Variants in SEPTIN6 observed in about 807,000 individuals in gnomAD.
SEPTIN6 encodes septin 6.
Under a neutral mutation model 33.6 loss-of-function variants are expected in SEPTIN6, and 8 were observed. The observed-to-expected ratio is 0.24, with a 90% CI of 0.14 to 0.43. SEPTIN6 has a LOEUF of 0.43. Ranked by LOEUF, SEPTIN6 falls within the 20% of genes least tolerant of loss-of-function variation. The pLI is 1.00. For synonymous variants in SEPTIN6, 131 were observed against 140.0 expected, an observed-to-expected ratio of 0.94 and a Z score of 0.45; for missense variants, 250 against 340.8, an observed-to-expected ratio of 0.73 and a Z score of 2.10.
chrX:119,635,942 A>G (rs1569423658), intron 7 of SEPTIN6, among the ~76,000 whole-genome samples: 1 of 111,455 alleles, frequency 9.0e-6, no homozygotes, highest in Non-Finnish European at 1.9e-5. Context: ...CAGGAAACAG[A>G]GGTATTCAGG....
chrX:119,616,333 A>G, downstream of SEPTIN6: 1 of 320,515 alleles, frequency 3.1e-6, no homozygotes, highest in Non-Finnish European at 5.7e-6. Flanking sequence ...TGTTTAAAAG[A>G]AAAACATAAA....
At chrX:119,674,301 G>A (rs2054803566) in intron 2 of SEPTIN6, among the ~76,000 whole-genome samples, 1 of 109,859 alleles carries the variant, frequency 9.1e-6, no homozygotes, top group Non-Finnish European at 1.9e-5. Context: ...AGCCTCCCAA[G>A]TAGCTGGGAC....
At position 119,650,128 on chromosome X, in the gene SEPTIN6, T is replaced by C. The variant is rs758568764; in HGVS notation, c.529-30A>G. The C allele has an allele frequency of 7.5e-6, 9 of 1,197,142 alleles. No homozygotes were observed. The South Asian group carries it at 1.1e-4, about 14-fold the overall frequency. ...GGAGAGGAGGGGCAAAGTGGGGTCA[T>C]TGTTGGTAACCTGCAACTGATAGCA... On this transcript the variant is annotated intron_variant, in intron 4 of 10. Coordinates refer to ENST00000394610, the MANE Select transcript of SEPTIN6 (RefSeq NM_145799.4).
chrX:119,637,592 CTCAT>C (rs2054085424), intron 6 of SEPTIN6, among the ~76,000 whole-genome samples: 1 of 93,448 alleles, frequency 1.1e-5, no homozygotes. Context: ...CATCCATCCA[CTCAT>C]CCATCCATCC....
intron 3 of SEPTIN6, among the ~76,000 whole-genome samples, chrX:119,656,684 G>A (rs190012543): frequency 9.0e-6 from 1 of 111,632 alleles, no homozygotes; most frequent in Non-Finnish European, 1.9e-5. Flanking sequence ...TCAGGAGTTC[G>A]AGACCAGCCT....
intron 7 of SEPTIN6, 105 bp from the exon 8 acceptor site, chrX:119,633,597 T>C (rs1466072369): frequency 3.0e-6 from 3 of 1,013,308 alleles, no homozygotes; most frequent in East Asian, 6.2e-5. Flanking sequence ...CCTTCCCCAG[T>C]TGTGAGCCAG....
intron 5 of SEPTIN6, among the ~76,000 whole-genome samples, chrX:119,647,465 C>G (rs1377407125): frequency 1.1e-5 from 1 of 90,121 alleles, no homozygotes; most frequent in African/African-American, 4.4e-5. Flanking sequence ...CTTTTTCTTT[C>G]CTTTCCTTTC....
Position 119,617,763 on chromosome X carries a change from C to T in SEPTIN6, c.*2330G>A, listed in dbSNP as rs769906952. On this transcript the variant is annotated 3_prime_UTR_variant, in exon 11 of 11. Transcript: ENST00000394610. ...GTGGGACCTCGGTCAAGTCCCTTCC[C>T]TTCTCTGGGCCTTCATTTCCCCTTA... 2.6e-6 allele frequency: 2 copies of T among 776,166 alleles called. No homozygotes were observed. Among genetic ancestry groups the T allele is most frequent in the African/African-American group, 2.2e-5 (1 of 45,273 alleles). The allele number at this position is 776,166 out of a possible 1,213,427, so 64.0% of individuals were successfully genotyped here. A position where few individuals can be genotyped will look rare whatever the true frequency, so the allele number is the denominator to read the frequency against.
At chrX:119,636,198 T>A (rs1260087516) in intron 7 of SEPTIN6, among the ~76,000 whole-genome samples, 1 of 111,706 alleles carries the variant, frequency 9.0e-6, no homozygotes, top group Non-Finnish European at 1.9e-5. Flanking sequence ...TGTGCACAGG[T>A]AGAGTAAGAT....
At chrX:119,623,209 A>G (rs967870042) in intron 10 of SEPTIN6, among the ~76,000 whole-genome samples, 1 of 111,962 alleles carries the variant, frequency 8.9e-6, no homozygotes, top group Non-Finnish European at 1.9e-5. Flanking sequence ...TCCCTGATCC[A>G]AACAAACCAA....
intron 5 of SEPTIN6, among the ~76,000 whole-genome samples, chrX:119,646,056 C>A (rs1253874183): frequency 8.9e-6 from 1 of 111,932 alleles, no homozygotes; most frequent in African/African-American, 3.2e-5. Flanking sequence ...ACTGTCAGAA[C>A]TCTTTATTCC....
In SEPTIN6 at chrX:119,619,221, C is replaced by G; in HGVS notation, c.*872G>C. The G allele has an allele frequency of 1.2e-6, 1 of 825,180 alleles. No individual in the cohort carries two copies. Among genetic ancestry groups the G allele is most frequent in the Non-Finnish European group, 1.5e-6 (1 of 683,991 alleles). The allele number at this position is 825,180 out of a possible 1,213,427, so 68.0% of individuals were successfully genotyped here. A position where few individuals can be genotyped will look rare whatever the true frequency, so the allele number is the denominator to read the frequency against. On this transcript the variant is annotated 3_prime_UTR_variant, in exon 11 of 11. Coordinates refer to ENST00000394610, the MANE Select transcript of SEPTIN6 (RefSeq NM_145799.4). ...TTATTATTCCTGCTACTGGCCTCACCTTATTGGGACAGTATGGAGCCCTTC... is the reference window on the plus strand; with the variant it reads ...TTATTATTCCTGCTACTGGCCTCACGTTATTGGGACAGTATGGAGCCCTTC...
intron 2 of SEPTIN6, 66 bp from the exon 3 acceptor site, chrX:119,663,743 T>C (rs1464068328): frequency 1.0e-5 from 9 of 865,531 alleles, no homozygotes; most frequent in Non-Finnish European, 1.3e-5. Context: ...ACACATCATG[T>C]TTCATATACA....
intron 1 of SEPTIN6, among the ~76,000 whole-genome samples, chrX:119,677,908 T>C (rs896300164): frequency 2.7e-5 from 3 of 112,297 alleles, no homozygotes; most frequent in African/African-American, 9.7e-5. Context: ...TCAGTGAGAG[T>C]TGGTGTATTC....
intron 5 of SEPTIN6, among the ~76,000 whole-genome samples, chrX:119,646,561 C>T (rs971415471): frequency 3.6e-5 from 4 of 111,630 alleles, no homozygotes; most frequent in African/African-American, 1.3e-4. Context: ...ACCTCGCTCT[C>T]CCTTCTCTTC....
chrX:119,683,006 AC>A (rs1453731426), intron 1 of SEPTIN6, among the ~76,000 whole-genome samples: 1 of 112,161 alleles, frequency 8.9e-6, no homozygotes, highest in Admixed American at 9.5e-5. Context: ...TAATCCCAGC[AC>A]TTTGGGAGGC....
intron 5 of SEPTIN6, 40 bp downstream of exon 5, chrX:119,649,897 A>G: frequency 8.5e-7 from 1 of 1,174,816 alleles, no homozygotes; most frequent in Non-Finnish European, 1.2e-6. Flanking sequence ...AATGATAATC[A>G]TCATAAAAAG....
intron 1 of SEPTIN6, among the ~76,000 whole-genome samples, chrX:119,683,154 G>T (rs181158842): frequency 6.2e-5 from 7 of 112,812 alleles, no homozygotes; most frequent in African/African-American, 2.3e-4. Flanking sequence ...TTGGGAGGCT[G>T]AGGCAGGAGA....
At chrX:119,662,519 C>G in intron 3 of SEPTIN6, among the ~76,000 whole-genome samples, 1 of 111,796 alleles carries the variant, frequency 8.9e-6, no homozygotes, top group African/African-American at 3.3e-5. Context: ...CAGTATTTAG[C>G]AAATCTGTCT....
Sources: gnomAD v4.1 joint callset for allele counts (sites outside exome capture counted in the v4.1 genomes callset) on GRCh38, gnomAD v4.1.1 for gene constraint, MANE v1.5 for transcripts, NCBI Gene and HGNC (gene_info 2026-07-23, HGNC 2026-07-21) for gene names.